Variants in ZPBP observed in about 807,000 individuals in gnomAD.
ZPBP encodes the protein zona pellucida-binding protein 1.
In ZPBP, 26 loss-of-function variants were observed where a neutral mutation model predicts 44.8. The observed-to-expected ratio is 0.58, with a 90% CI of 0.43 to 0.81. The LOEUF (loss-of-function observed/expected upper bound fraction) is 0.81, where lower values mean the gene tolerates loss of function less well. Among genes scored for constraint, ZPBP ranks in the 30% least tolerant of loss-of-function variants. The pLI, the probability that ZPBP is intolerant of heterozygous loss-of-function variation, is 0.00. For missense variants in ZPBP, 409 were observed against 434.0 expected (o/e 0.94, Z 0.51); for synonymous variants, 174 against 153.2 (o/e 1.14, Z -1.00).
intron 4 of ZPBP, 26 bp downstream of exon 4, chr7:50,057,963 A>AAAACAC: frequency 6.3e-7 from 1 of 1,594,132 alleles, no homozygotes; most frequent in South Asian, 1.1e-5. Context: ...AAGAAAGGTT[A>AAAACAC]AAACACAACT....
At chr7:49,918,420 T>A (rs1389401314) in intron 1 of ZPBP, 1 of 152,204 alleles carries the variant, frequency 6.6e-6, no homozygotes, top group South Asian at 2.1e-4. Context: ...AATTCTAGAA[T>A]ATCAATCTTG....
At chr7:50,024,233 T>C (rs1220949542) in intron 5 of ZPBP, among the ~76,000 whole-genome samples, 1 of 145,032 alleles carries the variant, frequency 6.9e-6, no homozygotes, top group Non-Finnish European at 1.6e-5. Flanking sequence ...ACAACAATTG[T>C]AGAAAACAGT....
intron 2 of ZPBP, among the ~76,000 whole-genome samples, chr7:49,858,513 C>T (rs983406365): frequency 2.1e-5 from 3 of 141,176 alleles, no homozygotes; most frequent in African/African-American, 5.3e-5. Context: ...AATGACAACA[C>T]ACGGACACAG....
intron 2 of ZPBP, among the ~76,000 whole-genome samples, chr7:49,873,731 A>C (rs1469796482): frequency 1.3e-5 from 2 of 152,216 alleles, no homozygotes; most frequent in Non-Finnish European, 2.9e-5. Context: ...AAACTTCAAC[A>C]TGTATATTTG....
intron 7 of ZPBP, among the ~76,000 whole-genome samples, chr7:49,939,570 A>T (rs1010888390): frequency 3.3e-5 from 5 of 152,202 alleles, no homozygotes; most frequent in Non-Finnish European, 7.3e-5. Flanking sequence ...TATTGACATA[A>T]AAAACATGAT....
chr7:49,857,139 T>G (rs918566477), intron 2 of ZPBP, among the ~76,000 whole-genome samples: 10 of 151,692 alleles, frequency 6.6e-5, no homozygotes, highest in African/African-American at 2.4e-4. Flanking sequence ...CTCTAGAACT[T>G]ATCTTGCATA....
At chr7:50,000,158 CA>C (rs1266222353) in intron 6 of ZPBP, among the ~76,000 whole-genome samples, 1 of 151,852 alleles carries the variant, frequency 6.6e-6, no homozygotes, top group Non-Finnish European at 1.5e-5. Context: ...TAAAAGTAGT[CA>C]AAAATGAGGA....
At chr7:50,081,987 G>A in intron 2 of ZPBP, 88 bp from the exon 3 acceptor site, 2 of 1,449,944 alleles carry the variant, frequency 1.4e-6, no homozygotes, top group Non-Finnish European at 9.5e-7. Flanking sequence ...TGGGTTACAT[G>A]CAATAATAAG....
chr7:49,978,459 C>G (rs1234357299), intron 7 of ZPBP, among the ~76,000 whole-genome samples: 4 of 152,108 alleles, frequency 2.6e-5, no homozygotes, highest in African/African-American at 9.6e-5. Context: ...TAAGTCTTCA[C>G]TAATTTATAA....
At chr7:49,971,209 G>A (rs1284620083) in intron 7 of ZPBP, among the ~76,000 whole-genome samples, 3 of 151,910 alleles carry the variant, frequency 2.0e-5, no homozygotes, top group Admixed American at 2.0e-4. Flanking sequence ...CTGCTAATCA[G>A]TAAACCGATT....
rs922967431 is a variant in ZPBP, at chr7:49,867,947, T to A, written n.510-17433A>T. On this transcript the variant is annotated intron_variant and non_coding_transcript_variant, in intron 2 of 2. Coordinates refer to the ZPBP transcript ENST00000465922. ...CTCCCAAGTTCAAGCAATTCTCCTG[T>A]CTCAGCCTACCAAGTAGCTGGGATT... 2.0e-5 allele frequency among the ~76,000 whole-genome samples: 3 copies of A among 152,168 alleles called. No individual in the cohort carries two copies. In the East Asian group the frequency reaches 5.8e-4, roughly 29 times the overall value.
In ZPBP at chr7:49,903,030, G is replaced by A. The variant is rs183491901; in HGVS notation, n.412-1815C>T. On this transcript the variant is annotated intron_variant and non_coding_transcript_variant, in intron 1 of 2. Transcript: ENST00000465922. Reference sequence around the variant, plus strand: ...ACACATGAAAAGATGAACATCACCCGCCACTAGGGAAATACAAATTAAAAC... The same window carrying A: ...ACACATGAAAAGATGAACATCACCCACCACTAGGGAAATACAAATTAAAAC... Among the ~76,000 whole-genome samples the A allele has an allele frequency of 3.5e-3, 530 of 152,150 alleles. 1 individual carries two copies. The highest frequency in any genetic ancestry group is 0.01 in the Middle Eastern group (3 of 294).
intron 3 of ZPBP, among the ~76,000 whole-genome samples, chr7:50,069,558 C>T (rs188342109): frequency 3.9e-5 from 6 of 152,318 alleles, no homozygotes; most frequent in African/African-American, 1.4e-4. Context: ...ATAGTGCCTT[C>T]GGCCAGCCAT....
chr7:50,078,862 C>T (rs540039836), intron 3 of ZPBP, among the ~76,000 whole-genome samples: 2 of 150,786 alleles, frequency 1.3e-5, no homozygotes, highest in Non-Finnish European at 3.0e-5. Context: ...ACAAAACAAA[C>T]AAAAATCAAG....
intron 2 of ZPBP, among the ~76,000 whole-genome samples, chr7:49,867,520 AT>A (rs1446482495): frequency 6.6e-6 from 1 of 152,210 alleles, no homozygotes; most frequent in Non-Finnish European, 1.5e-5. Flanking sequence ...ATGTGCTGAC[AT>A]AGTCTTCTTG....
At chr7:49,858,358 T>C (rs1302908164) in intron 2 of ZPBP, among the ~76,000 whole-genome samples, 1 of 152,034 alleles carries the variant, frequency 6.6e-6, no homozygotes, top group Non-Finnish European at 1.5e-5. Flanking sequence ...ATATACACCA[T>C]GGAATACTAT....
intron 3 of ZPBP, among the ~76,000 whole-genome samples, chr7:50,071,636 GA>G (rs970043892): frequency 6.6e-6 from 1 of 152,100 alleles, no homozygotes; most frequent in South Asian, 2.1e-4. Context: ...GAGAGGAAAG[GA>G]AAGAGTGGGG....
chr7:49,987,731 TGTGTGTG>T (rs1306505029), intron 6 of ZPBP, among the ~76,000 whole-genome samples: 11 of 1,056 alleles, frequency 0.01, no homozygotes, highest in African/African-American at 0.029. Flanking sequence ...ATATGTGTTG[TGTGTGTG>T]TGTGTGTGTG....
In ZPBP at chr7:50,028,701, C is replaced by A. The variant is rs576498025; in HGVS notation, c.706+2391G>T. On this transcript the variant is annotated intron_variant, in intron 5 of 7. Coordinates refer to ENST00000046087, the MANE Select transcript of ZPBP (RefSeq NM_007009.3). ...GTGTATTTCTATACACTAGCAATGA[C>A]CAATGTATAAAGGGAATTAAGAAAA... 3.3e-5 allele frequency among the ~76,000 whole-genome samples: 5 copies of A among 150,018 alleles called. No homozygotes were observed. The East Asian group carries it at 9.7e-4, about 29-fold the overall frequency.
Sources: gnomAD v4.1 joint callset for allele counts (sites outside exome capture counted in the v4.1 genomes callset) on GRCh38, gnomAD v4.1.1 for gene constraint, MANE v1.5 for transcripts, NCBI Gene and HGNC (gene_info 2026-07-23, HGNC 2026-07-21) for gene names.